YAF2: variants seen among roughly 807,000 people sequenced by gnomAD.
The protein encoded by YAF2 is YY1 associated factor 2.
In YAF2, 7 loss-of-function variants were observed where a neutral mutation model predicts 20.1. The observed-to-expected ratio is 0.35, with a 90% CI of 0.20 to 0.65. YAF2 has a LOEUF of 0.65. Ranked by LOEUF, YAF2 falls within the 30% of genes least tolerant of loss-of-function variation. The pLI is 0.69. For synonymous variants in YAF2, 74 were observed against 76.0 expected, an observed-to-expected ratio of 0.97 and a Z score of 0.14; for missense variants, 151 against 219.2, an observed-to-expected ratio of 0.69 and a Z score of 1.96.
At chr12:42,166,349 A>T (rs1231799587) in intron 2 of YAF2, among the ~76,000 whole-genome samples, 1 of 152,208 alleles carries the variant, frequency 6.6e-6, no homozygotes, top group Non-Finnish European at 1.5e-5. Context: ...CTGCTTCAGA[A>T]TTACCATTTT....
intron 2 of YAF2, among the ~76,000 whole-genome samples, chr12:42,227,339 A>C (rs2067751024): frequency 1.8e-5 from 1 of 56,700 alleles, no homozygotes; most frequent in East Asian, 7.8e-4. Flanking sequence ...CTGGCTGCCC[A>C]GTCTGGAAAG....
rs1405014336 is a variant in YAF2 at position 42,191,852 on chromosome 12, C to T, written c.153-30087G>A. Among the ~76,000 whole-genome samples, 5 of 151,960 alleles carry T rather than the reference C, an allele frequency of 3.3e-5. No individual in the cohort carries two copies. In the East Asian group the frequency reaches 9.7e-4, roughly 29 times the overall value. ...CCTGTAATCCCAGCAGTTTGGGAGG[C>T]TGAGGTAGGAGGATCATTTGAGGTC... On this transcript the variant is annotated intron_variant, in intron 2 of 3. Transcript: ENST00000534854.
At chr12:42,206,850 A>T (rs1226656976) in intron 2 of YAF2, among the ~76,000 whole-genome samples, 1 of 152,120 alleles carries the variant, frequency 6.6e-6, no homozygotes, top group East Asian at 1.9e-4. Context: ...GTTCTCTTTA[A>T]AACACTTTCT....
At chr12:42,222,927 C>T (rs567684514) in intron 2 of YAF2, among the ~76,000 whole-genome samples, 1 of 150,670 alleles carries the variant, frequency 6.6e-6, no homozygotes, top group East Asian at 2.0e-4. Flanking sequence ...TAATTTATTG[C>T]TGCCAAATTC....
chr12:42,226,573 G>T (rs2067705562), intron 2 of YAF2, among the ~76,000 whole-genome samples: 1 of 151,958 alleles, frequency 6.6e-6, no homozygotes. Flanking sequence ...CTAAGGTGGG[G>T]GGACCACTTC....
chr12:42,210,300 G>C, intron 2 of YAF2: 1 of 1,218,526 alleles, frequency 8.2e-7, no homozygotes, highest in Non-Finnish European at 1.1e-6. Flanking sequence ...CCTTCTCAAG[G>C]GACAAAATTT....
intron 2 of YAF2, among the ~76,000 whole-genome samples, chr12:42,216,658 G>A (rs369424214): frequency 6.6e-6 from 1 of 152,040 alleles, no homozygotes; most frequent in East Asian, 1.9e-4. Flanking sequence ...CTCAAATCAT[G>A]TGTACAAATG....
At chr12:42,177,337 A>G (rs2066221819) in intron 2 of YAF2, among the ~76,000 whole-genome samples, 1 of 152,142 alleles carries the variant, frequency 6.6e-6, no homozygotes, top group African/African-American at 2.4e-5. Flanking sequence ...ACAGTTCTGG[A>G]GGGTGGAAAG....
chr12:42,212,474 G>C (rs771978549), intron 2 of YAF2: 4 of 446,988 alleles, frequency 8.9e-6, no homozygotes, highest in Non-Finnish European at 1.8e-5. Context: ...ATGATTTCAT[G>C]ATTCTTCATT....
chr12:42,227,034 GCGGAGCCGCTGCCGCGACCGAC>G (rs1435583697), intron 2 of YAF2, among the ~76,000 whole-genome samples: 1 of 146,692 alleles, frequency 6.8e-6, no homozygotes, highest in African/African-American at 2.5e-5. Context: ...CAGATATGAA[GCGGAGCCGCTGCCGCGACCGAC>G]CGCAGCCGCC....
chr12:42,231,664 C>G (rs1401223499), intron 2 of YAF2: 1 of 152,150 alleles, frequency 6.6e-6, no homozygotes, highest in Non-Finnish European at 1.5e-5. Context: ...CATTTGTTTG[C>G]TGAGTTATGC....
chr12:42,177,316 T>C (rs575068807), intron 2 of YAF2, among the ~76,000 whole-genome samples: 15 of 152,296 alleles, frequency 9.8e-5, no homozygotes, highest in African/African-American at 3.6e-4. Context: ...ACAGCAGATA[T>C]TTATTTTCTC....
intron 2 of YAF2, among the ~76,000 whole-genome samples, chr12:42,206,297 TA>T (rs33934066): frequency 0.47 from 61,258 of 130,796 alleles, 14,949 homozygotes; most frequent in African/African-American, 0.62. Flanking sequence ...TGCTCTTAGT[TA>T]AAAAAAAAAA....
At chr12:42,170,088 T>A (rs1005803624) in intron 2 of YAF2, among the ~76,000 whole-genome samples, 1 of 151,886 alleles carries the variant, frequency 6.6e-6, no homozygotes, top group African/African-American at 2.4e-5. Flanking sequence ...CCCAGGCTAG[T>A]CTCAAACTCC....
At chr12:42,203,621 T>A (rs1055738029) in intron 2 of YAF2, among the ~76,000 whole-genome samples, 4 of 152,108 alleles carry the variant, frequency 2.6e-5, no homozygotes, top group Non-Finnish European at 4.4e-5. Context: ...TTTTAACATA[T>A]AGTTTTACTA....
At chr12:42,192,422 T>C (rs1340758748) in intron 2 of YAF2, among the ~76,000 whole-genome samples, 2 of 151,854 alleles carry the variant, frequency 1.3e-5, no homozygotes. Context: ...GTTGATAGGA[T>C]CACTTGAGCC....
At position 42,227,657 on chromosome 12, in the gene YAF2, G is replaced by A. The variant is rs1445708488; in HGVS notation, c.152+9942C>T. On this transcript the variant is annotated intron_variant, in intron 2 of 3. Coordinates refer to ENST00000534854, the MANE Select transcript of YAF2 (RefSeq NM_005748.6). Reference sequence around the variant, plus strand: ...CCTCCGCCCAGCAGCTGCCCCGTCTGAGAAGTGAGGAGCCTCTCCGCCCGG... The same window carrying A: ...CCTCCGCCCAGCAGCTGCCCCGTCTAAGAAGTGAGGAGCCTCTCCGCCCGG... 2.7e-5 allele frequency among the ~76,000 whole-genome samples: 4 copies of A among 149,974 alleles called. No individual in the cohort carries two copies. In the East Asian group the frequency reaches 8.2e-4, roughly 31 times the overall value.
chr12:42,198,645 GATCTAGGTATCAGGGAACACTT>G (rs1436470555), intron 2 of YAF2, among the ~76,000 whole-genome samples: 2 of 152,184 alleles, frequency 1.3e-5, no homozygotes, highest in African/African-American at 4.8e-5. Flanking sequence ...AAATTAAGTA[GATCTAGGTATCAGGGAACACTT>G]ATGGAAAGCC....
chr12:42,234,959 G>C, intron 2 of YAF2: 1 of 978,892 alleles, frequency 1.0e-6, no homozygotes, highest in South Asian at 4.7e-5. Context: ...CTGCAACCCA[G>C]CCTGGGCAAC....
Sources: gnomAD v4.1 joint callset for allele counts (sites outside exome capture counted in the v4.1 genomes callset) on GRCh38, gnomAD v4.1.1 for gene constraint, MANE v1.5 for transcripts, NCBI Gene and HGNC (gene_info 2026-07-23, HGNC 2026-07-21) for gene names.